The following CDH13 variants were observed in gnomAD, a reference collection of about 807,000 sequenced individuals.
CDH13 encodes the protein cadherin-13.
Under a neutral mutation model 63.8 loss-of-function variants are expected in CDH13, and 24 were observed. The ratio of observed to expected loss-of-function variants is 0.38; its 90% confidence interval spans 0.27 to 0.53. CDH13 has a LOEUF of 0.53. Among genes scored for constraint, CDH13 ranks in the 20% least tolerant of loss-of-function variants. The pLI, the probability that CDH13 is intolerant of heterozygous loss-of-function variation, is 0.85. For missense variants in CDH13, 1,049 were observed against 903.1 expected (o/e 1.16, Z -2.07); for synonymous variants, 503 against 355.3 (o/e 1.42, Z -4.67).
chr16:83,315,456 T>A (rs138220194), intron 5 of CDH13, among the ~76,000 whole-genome samples: 103 of 152,290 alleles, frequency 6.8e-4, no homozygotes, highest in African/African-American at 2.1e-3. Flanking sequence ...GTGTGTACAG[T>A]AATTATTTCC....
In CDH13 at chr16:82,940,096, C is replaced by T. The variant is rs796510463; in HGVS notation, c.157+81623C>T. On this transcript the variant is annotated intron_variant, in intron 2 of 13. Transcript: ENST00000567109. ...GAGAACAGTATGGGGGAAAGTGCCC[C>T]CATGATTCAATTATTTCCCACCAGG... Among the ~76,000 whole-genome samples, 16 of 152,194 alleles carry T rather than the reference C, an allele frequency of 1.1e-4. 1 individual carries two copies. In the East Asian group the frequency reaches 3.1e-3, roughly 29 times the overall value.
At chr16:82,931,219 T>C (rs560940291) in intron 2 of CDH13, among the ~76,000 whole-genome samples, 21 of 152,350 alleles carry the variant, frequency 1.4e-4, no homozygotes, top group African/African-American at 4.6e-4. Flanking sequence ...GCCTTATTTA[T>C]CTGACTACCC....
intron 5 of CDH13, among the ~76,000 whole-genome samples, chr16:83,269,230 C>G (rs537577323): frequency 2.0e-5 from 3 of 152,300 alleles, no homozygotes; most frequent in African/African-American, 7.2e-5. Context: ...AGAGAACTCA[C>G]CAGATGACTG....
At chr16:83,330,545 C>G (rs766879590) in intron 5 of CDH13, among the ~76,000 whole-genome samples, 1 of 152,174 alleles carries the variant, frequency 6.6e-6, no homozygotes, top group Non-Finnish European at 1.5e-5. Flanking sequence ...TAAGTTAACT[C>G]TGGGTCCCAA....
chr16:83,352,678 C>G (rs184044738), intron 6 of CDH13, among the ~76,000 whole-genome samples: 1 of 152,170 alleles, frequency 6.6e-6, no homozygotes, highest in Non-Finnish European at 1.5e-5. Context: ...ATCACGAGGT[C>G]AGGAGATCGA....
intron 2 of CDH13, among the ~76,000 whole-genome samples, chr16:82,967,925 T>C (rs1007324347): frequency 1.3e-5 from 2 of 152,212 alleles, no homozygotes; most frequent in African/African-American, 4.8e-5. Flanking sequence ...CTTGTTTCTT[T>C]TCATATTTTC....
chr16:83,260,892 A>T (rs1906905138), intron 5 of CDH13, among the ~76,000 whole-genome samples: 1 of 152,018 alleles, frequency 6.6e-6, no homozygotes, highest in Non-Finnish European at 1.5e-5. Flanking sequence ...AGCTCCTAGA[A>T]CTGACAGTGA....
chr16:83,708,401 A>G (rs397438), intron 10 of CDH13, among the ~76,000 whole-genome samples: 151,997 of 152,336 alleles, frequency 1, 75,829 homozygotes, highest in Middle Eastern at 1. Context: ...AAGTGGGGTT[A>G]AGCCAGTCCT....
At chr16:83,667,778 C>G (rs1439299645) in intron 8 of CDH13, among the ~76,000 whole-genome samples, 1 of 152,094 alleles carries the variant, frequency 6.6e-6, no homozygotes, top group Admixed American at 6.6e-5. Flanking sequence ...CCACCTCAGC[C>G]TCCTGAGTAT....
intron 4 of CDH13, among the ~76,000 whole-genome samples, chr16:83,135,390 G>A (rs1597394803): frequency 6.6e-6 from 1 of 152,128 alleles, no homozygotes; most frequent in Non-Finnish European, 1.5e-5. Flanking sequence ...TCACACAAAT[G>A]GTCATTTGAC....
Position 83,347,902 on chromosome 16 carries a change from C to G in CDH13, c.781+2896C>G, listed in dbSNP as rs540162186. Among the ~76,000 whole-genome samples the G allele has an allele frequency of 5.7e-4, 87 of 152,246 alleles. 2 individuals carry two copies. Among genetic ancestry groups the G allele is most frequent in the South Asian group, 5.2e-3 (25 of 4,820 alleles). ...GGCCTTGTGTGAGCTACAAGAAACCCAAGAACCAGCTGGGTGGAGTGGCTC... is the reference window on the plus strand; with the variant it reads ...GGCCTTGTGTGAGCTACAAGAAACCGAAGAACCAGCTGGGTGGAGTGGCTC... On this transcript the variant is annotated intron_variant, in intron 6 of 13. Transcript: ENST00000567109.
At chr16:83,736,058 C>T (rs553539645) in intron 10 of CDH13, 4 of 152,212 alleles carry the variant, frequency 2.6e-5, no homozygotes, top group African/African-American at 7.2e-5. Context: ...CTTTTCCAAG[C>T]GCCATTTCTG....
At chr16:83,371,840 C>G (rs1164379791) in intron 6 of CDH13, among the ~76,000 whole-genome samples, 1 of 152,068 alleles carries the variant, frequency 6.6e-6, no homozygotes, top group African/African-American at 2.4e-5. Context: ...AGTTAGTTGT[C>G]TACATTGCAG....
In CDH13 at chr16:83,490,537, C is replaced by T. The variant is rs573546009; in HGVS notation, c.960+3882C>T. On this transcript the variant is annotated intron_variant, in intron 7 of 13. Coordinates refer to ENST00000567109, the MANE Select transcript of CDH13 (RefSeq NM_001257.5). ...CATCTAATCTGCTCCTCTCCTGCTC[C>T]AAGGATTGGCAGCCACTATTCTTGA... Among the ~76,000 whole-genome samples the T allele has an allele frequency of 3.3e-5, 5 of 152,288 alleles. No homozygotes were observed. In the South Asian group the frequency reaches 1.0e-3, roughly 32 times the overall value.
intron 2 of CDH13, chr16:82,954,596 C>T (rs1326662729): frequency 1.3e-5 from 2 of 152,104 alleles, no homozygotes; most frequent in Admixed American, 6.5e-5. Flanking sequence ...AGCCCTTGTT[C>T]TTAGAGTTTT....
chr16:83,433,750 C>T (rs900972122), intron 6 of CDH13, among the ~76,000 whole-genome samples: 1 of 152,206 alleles, frequency 6.6e-6, no homozygotes, highest in African/African-American at 2.4e-5. Context: ...CCATTAGCTA[C>T]TGCCATGTCA....
chr16:82,667,947 G>A (rs536354224), intron 1 of CDH13, among the ~76,000 whole-genome samples: 5 of 152,150 alleles, frequency 3.3e-5, no homozygotes, highest in East Asian at 1.9e-4. Context: ...TATTTGTCAC[G>A]CTGACCTAAT....
intron 8 of CDH13, among the ~76,000 whole-genome samples, chr16:83,613,570 C>T (rs566051047): frequency 1.3e-5 from 2 of 152,320 alleles, no homozygotes; most frequent in African/African-American, 4.8e-5. Context: ...CGGTGGCTCA[C>T]GCCTGTAATA....
chr16:83,743,388 C>T (rs190217662), intron 10 of CDH13, among the ~76,000 whole-genome samples: 15 of 152,190 alleles, frequency 9.9e-5, no homozygotes, highest in Admixed American at 3.9e-4. Context: ...CAGGCCTAAC[C>T]GTGCTGAGTA....
Sources: gnomAD v4.1 joint callset for allele counts (sites outside exome capture counted in the v4.1 genomes callset) on GRCh38, gnomAD v4.1.1 for gene constraint, MANE v1.5 for transcripts, NCBI Gene and HGNC (gene_info 2026-07-23, HGNC 2026-07-21) for gene names.